The following RALA variants were observed in gnomAD, a reference collection of about 807,000 sequenced individuals.
RALA encodes the protein RAS like proto-oncogene A.
In RALA, 5 loss-of-function variants were observed where a neutral mutation model predicts 24.0. The ratio of observed to expected loss-of-function variants is 0.21; its 90% confidence interval spans 0.11 to 0.44. The LOEUF is 0.44. Ranked by LOEUF, RALA falls within the 20% of genes least tolerant of loss-of-function variation. RALA has a pLI of 0.99. For missense variants in RALA, 95 were observed against 241.2 expected (o/e 0.39, Z 4.01); for synonymous variants, 77 against 83.8 (o/e 0.92, Z 0.44).
intron 1 of RALA, among the ~76,000 whole-genome samples, chr7:39,681,160 A>G (rs763508095): frequency 5.3e-5 from 8 of 152,096 alleles, no homozygotes; most frequent in Non-Finnish European, 1.0e-4. Context: ...GACATCCCCT[A>G]ATAACATTTA....
intron 1 of RALA, among the ~76,000 whole-genome samples, chr7:39,641,276 CAT>C (rs1455287103): frequency 1.3e-5 from 2 of 152,152 alleles, no homozygotes; most frequent in Non-Finnish European, 2.9e-5. Flanking sequence ...TTTGAAAACT[CAT>C]ATTTATTTTC....
intron 1 of RALA, among the ~76,000 whole-genome samples, chr7:39,650,905 C>G (rs1792008000): frequency 6.6e-6 from 1 of 152,150 alleles, no homozygotes; most frequent in Non-Finnish European, 1.5e-5. Context: ...GGCTTCAGTT[C>G]CTTGCCACAT....
intron 1 of RALA, among the ~76,000 whole-genome samples, chr7:39,676,756 A>G (rs1317749446): frequency 6.6e-6 from 1 of 152,166 alleles, no homozygotes. Context: ...TTCCTTAGTA[A>G]GTATTGAAAA....
At chr7:39,665,552 C>T (rs1363555236) in intron 1 of RALA, among the ~76,000 whole-genome samples, 1 of 151,950 alleles carries the variant, frequency 6.6e-6, no homozygotes, top group Non-Finnish European at 1.5e-5. Context: ...CTGTATAACA[C>T]ACTATACAGT....
intron 1 of RALA, among the ~76,000 whole-genome samples, chr7:39,685,342 G>A (rs1262905544): frequency 9.2e-5 from 14 of 152,220 alleles, no homozygotes. Flanking sequence ...TGATGCAGCT[G>A]AGCTAGGAAA....
At chr7:39,688,230 G>A (rs547278397) in intron 2 of RALA, among the ~76,000 whole-genome samples, 1 of 152,270 alleles carries the variant, frequency 6.6e-6, no homozygotes, top group South Asian at 2.1e-4. Flanking sequence ...GTGAGACCCT[G>A]TCTCTATGAA....
intron 4 of RALA, among the ~76,000 whole-genome samples, chr7:39,703,863 A>G (rs1437805822): frequency 6.6e-6 from 1 of 152,184 alleles, no homozygotes. Flanking sequence ...GCTGTCACAA[A>G]CAAACTACAA....
intron 1 of RALA, among the ~76,000 whole-genome samples, chr7:39,653,222 G>A (rs1792047715): frequency 6.6e-6 from 1 of 151,974 alleles, no homozygotes; most frequent in African/African-American, 2.4e-5. Context: ...TAGAGATGGG[G>A]TTTCACCATG....
At chr7:39,705,307 T>A (rs1337723822) in intron 4 of RALA, among the ~76,000 whole-genome samples, 1 of 152,218 alleles carries the variant, frequency 6.6e-6, no homozygotes, top group African/African-American at 2.4e-5. Flanking sequence ...ATTTCTTGCT[T>A]TAGTCTGAGT....
At chr7:39,634,140 A>G (rs535090639) in intron 1 of RALA, among the ~76,000 whole-genome samples, 3 of 152,226 alleles carry the variant, frequency 2.0e-5, no homozygotes, top group South Asian at 2.1e-4. Context: ...CTCTCAGTCC[A>G]TGGCCTGTTG....
intron 2 of RALA, among the ~76,000 whole-genome samples, chr7:39,688,139 A>C (rs1443155999): frequency 6.6e-6 from 1 of 152,166 alleles, no homozygotes; most frequent in African/African-American, 2.4e-5. Context: ...CATGCTTGTT[A>C]GTGAGCGAAT....
intron 4 of RALA, among the ~76,000 whole-genome samples, chr7:39,698,177 T>C (rs186734584): frequency 1.3e-5 from 2 of 152,304 alleles, no homozygotes; most frequent in East Asian, 3.9e-4. Context: ...CTTAGGATAC[T>C]AATTCCATTA....
chr7:39,643,243 T>C (rs1791852266), intron 1 of RALA, among the ~76,000 whole-genome samples: 1 of 152,214 alleles, frequency 6.6e-6, no homozygotes, highest in African/African-American at 2.4e-5. Context: ...CTAAAGACTA[T>C]TATGTATCTG....
intron 1 of RALA, among the ~76,000 whole-genome samples, chr7:39,661,269 T>C (rs887140883): frequency 9.2e-5 from 14 of 152,164 alleles, no homozygotes; most frequent in Non-Finnish European, 1.2e-4. Flanking sequence ...ATTCTGCCCC[T>C]GGCCCCTCCC....
At chr7:39,668,193 A>G (rs1394236075) in intron 1 of RALA, among the ~76,000 whole-genome samples, 1 of 152,248 alleles carries the variant, frequency 6.6e-6, no homozygotes, top group Non-Finnish European at 1.5e-5. Flanking sequence ...AGGTTTTTTA[A>G]AAGAATACAC....
intron 1 of RALA, among the ~76,000 whole-genome samples, chr7:39,642,196 G>A (rs939260505): frequency 2.6e-5 from 4 of 152,132 alleles, no homozygotes; most frequent in Admixed American, 1.3e-4. Context: ...CAGTGAAAAC[G>A]AACTCAGAGC....
intron 1 of RALA, among the ~76,000 whole-genome samples, chr7:39,660,015 C>T (rs1435098121): frequency 1.3e-5 from 2 of 152,116 alleles, no homozygotes; most frequent in African/African-American, 4.8e-5. Context: ...TCTGTCTGCC[C>T]ATGGCCCCCT....
At chr7:39,696,973 T>C (rs1562625861) in intron 4 of RALA, 114 bp downstream of exon 4, 1 of 1,029,010 alleles carries the variant, frequency 9.7e-7, no homozygotes, top group Non-Finnish European at 1.4e-6. Flanking sequence ...TTAATCCTTG[T>C]TGATTTTTAT....
At chr7:39,626,619 A>G (rs191565009) in intron 1 of RALA, among the ~76,000 whole-genome samples, 8 of 152,274 alleles carry the variant, frequency 5.3e-5, no homozygotes, top group African/African-American at 1.7e-4. Flanking sequence ...ATCACCGTCC[A>G]TGTGTGCCAT....
Sources: gnomAD v4.1 joint callset for allele counts (sites outside exome capture counted in the v4.1 genomes callset) on GRCh38, gnomAD v4.1.1 for gene constraint, MANE v1.5 for transcripts, NCBI Gene and HGNC (gene_info 2026-07-23, HGNC 2026-07-21) for gene names.